Variants in FRAS1 observed in about 807,000 individuals in gnomAD.
The protein encoded by FRAS1 is extracellular matrix organizing protein FRAS1.
A neutral mutation model predicts 435.2 loss-of-function variants in FRAS1; 290 were observed. The ratio of observed to expected loss-of-function variants is 0.67; its 90% confidence interval spans 0.61 to 0.73. The LOEUF (loss-of-function observed/expected upper bound fraction) is 0.73. Ranked by LOEUF, FRAS1 falls within the 30% of genes least tolerant of loss-of-function variation. The pLI is 0.00. For synonymous variants in FRAS1, 1,800 were observed against 1,851.0 expected, an observed-to-expected ratio of 0.97 and a Z score of 0.71; for missense variants, 4,860 against 5,001.5, an observed-to-expected ratio of 0.97 and a Z score of 0.85.
At chr4:78,445,440 A>G (rs1231917719) in intron 41 of FRAS1, 82 bp from the exon 42 acceptor site, 1 of 1,435,744 alleles carries the variant, frequency 7.0e-7, no homozygotes, top group Admixed American at 2.7e-5. Context: ...TTTTGCCGAA[A>G]ATGATACCTT....
chr4:78,161,742 C>CAAAA (rs71214399), intron 2 of FRAS1, among the ~76,000 whole-genome samples: 2,310 of 25,068 alleles, frequency 0.092, 22 homozygotes, highest in East Asian at 0.13. Context: ...AACTCTGTCT[C>CAAAA]AAAAAAAAAA....
intron 2 of FRAS1, among the ~76,000 whole-genome samples, chr4:78,088,929 G>T (rs1741355892): frequency 1.3e-5 from 2 of 152,120 alleles, no homozygotes; most frequent in African/African-American, 4.8e-5. Flanking sequence ...CCATTACTGG[G>T]TATATACCCA....
At chr4:78,127,059 G>A (rs1246747059) in intron 2 of FRAS1, among the ~76,000 whole-genome samples, 5 of 150,046 alleles carry the variant, frequency 3.3e-5, no homozygotes, top group Admixed American at 3.3e-4. Context: ...CTTTAGTCTA[G>A]TGAACCAGAC....
chr4:78,284,229 A>T (rs75951231), intron 12 of FRAS1, among the ~76,000 whole-genome samples, 176 bp from the exon 13 acceptor site: 2,636 of 80,854 alleles, frequency 0.033, 60 homozygotes, highest in African/African-American at 0.075. Context: ...ATTGGAATGT[A>T]TTTTTTTTTT....
intron 59 of FRAS1, among the ~76,000 whole-genome samples, chr4:78,490,673 T>C (rs189488740): frequency 1.1e-4 from 17 of 152,360 alleles, no homozygotes; most frequent in Admixed American, 2.6e-4. Flanking sequence ...GGGAAATTTA[T>C]AGCACTAAAT....
At chr4:78,153,975 T>G (rs1210557562) in intron 2 of FRAS1, among the ~76,000 whole-genome samples, 4 of 152,152 alleles carry the variant, frequency 2.6e-5, no homozygotes, top group Non-Finnish European at 5.9e-5. Flanking sequence ...TTTTTCAGAG[T>G]CTTTTGTTCA....
At chr4:78,246,773 A>T (rs116247564) in intron 4 of FRAS1, among the ~76,000 whole-genome samples, 214 of 152,274 alleles carry the variant, frequency 1.4e-3, no homozygotes, top group Non-Finnish European at 4.6e-4. Context: ...CATATCAAAT[A>T]AGAGGTGGTA....
chr4:78,434,008 T>G (rs1734314348), intron 38 of FRAS1, among the ~76,000 whole-genome samples: 1 of 152,198 alleles, frequency 6.6e-6, no homozygotes, highest in Non-Finnish European at 1.5e-5. Flanking sequence ...TTTAAAGACT[T>G]AGGTAGGTTA....
intron 58 of FRAS1, among the ~76,000 whole-genome samples, chr4:78,483,215 G>A (rs1201500367): frequency 6.6e-6 from 1 of 152,188 alleles, no homozygotes; most frequent in African/African-American, 2.4e-5. Flanking sequence ...GCAGAGGAGT[G>A]ATGTGCTTTT....
At chr4:78,506,691 G>A (rs71611022) in intron 61 of FRAS1, among the ~76,000 whole-genome samples, 46,808 of 151,884 alleles carry the variant, frequency 0.31, 7,714 homozygotes, top group South Asian at 0.52. Context: ...GAAATCCCCC[G>A]ACCCCTTGCA....
intron 2 of FRAS1, among the ~76,000 whole-genome samples, chr4:78,210,473 G>C (rs1338901023): frequency 6.6e-6 from 1 of 152,180 alleles, no homozygotes; most frequent in African/African-American, 2.4e-5. Context: ...TGCATAGTGA[G>C]TAGACACATA....
intron 2 of FRAS1, among the ~76,000 whole-genome samples, chr4:78,080,907 A>C (rs1740866045): frequency 6.6e-6 from 1 of 152,190 alleles, no homozygotes; most frequent in South Asian, 2.1e-4. Flanking sequence ...ATGTGCAGGC[A>C]AGTGGAGATG....
At chr4:78,274,712 C>T (rs1726904793) in intron 9 of FRAS1, among the ~76,000 whole-genome samples, 1 of 152,130 alleles carries the variant, frequency 6.6e-6, no homozygotes, top group Admixed American at 6.5e-5. Flanking sequence ...TTTTTCATTG[C>T]TGATGAGTGC....
chr4:78,452,187 C>T lies in FRAS1; in HGVS notation c.6596C>T (p.Pro2199Leu). The stretch of plus-strand genomic sequence containing the variant: ...CTGATATTTTCAGAAGACAAATCCC[C>T]ACCAGTCATCACCACCAATAAAGGA... ...FSISILEDKS[P>L]PVITTNKGLV... Residue 2199 changes from proline (P) to leucine (L), a missense_variant, in exon 47 of 74, where the codon CCA (proline) becomes CTA (leucine). Physicochemically the swap from Pro to Leu is moderately conservative, Grantham distance 98. Transcript: ENST00000512123. The T allele has an allele frequency of 1.9e-6, 3 of 1,613,494 alleles. No individual in the cohort carries two copies. The highest frequency in any genetic ancestry group is 2.5e-6 in the Non-Finnish European group (3 of 1,179,478).
intron 59 of FRAS1, among the ~76,000 whole-genome samples, chr4:78,495,120 G>A (rs1397120114): frequency 6.6e-6 from 1 of 151,888 alleles, no homozygotes; most frequent in Non-Finnish European, 1.5e-5. Context: ...TTTCCAATAA[G>A]CATATAAGCT....
At chr4:78,239,619 A>G (rs1446771527) in intron 3 of FRAS1, among the ~76,000 whole-genome samples, 4 of 152,062 alleles carry the variant, frequency 2.6e-5, no homozygotes, top group Non-Finnish European at 5.9e-5. Flanking sequence ...AGGTACTACT[A>G]TACCCCTCTA....
intron 9 of FRAS1, among the ~76,000 whole-genome samples, chr4:78,271,546 T>C (rs1690878894): frequency 6.6e-6 from 1 of 152,166 alleles, no homozygotes; most frequent in Admixed American, 6.5e-5. Flanking sequence ...TTCCCACCTA[T>C]GAGTGAGAAC....
chr4:78,438,652 C>T lies in FRAS1; in HGVS notation c.5300C>T (p.Ser1767Phe), dbSNP rs1250781080. ...GGTACTCTCTTAAGAATCTCAGGAT[C>T]TGAGGTGGAAGAGCTCTCAGAAGTT... is the stretch of plus-strand genomic sequence containing the variant. ...SYGTLLRISG[S>F]EVEELSEVSN... Residue 1767 changes from serine to phenylalanine, a missense_variant, in exon 39 of 74, where the codon TCT becomes TTT. Transcript: ENST00000512123. 4 of 1,613,232 alleles carry T rather than the reference C, an allele frequency of 2.5e-6. No homozygotes were observed. Among genetic ancestry groups the T allele is most frequent in the Non-Finnish European group, 3.4e-6 (4 of 1,179,472 alleles).
chr4:78,338,341 A>G (rs1163826734), intron 20 of FRAS1, among the ~76,000 whole-genome samples: 2 of 152,112 alleles, frequency 1.3e-5, no homozygotes, highest in Non-Finnish European at 2.9e-5. Flanking sequence ...TGAAATTTGA[A>G]TAATGTTGGA....
Sources: gnomAD v4.1 joint callset for allele counts (sites outside exome capture counted in the v4.1 genomes callset) on GRCh38, gnomAD v4.1.1 for gene constraint, MANE v1.5 for transcripts, NCBI Gene and HGNC (gene_info 2026-07-23, HGNC 2026-07-21) for gene names.